Variants in GRINA observed in about 807,000 individuals in gnomAD.
The protein encoded by GRINA is glutamate ionotropic receptor NMDA type subunit associated protein 1.
In GRINA, 26 loss-of-function variants were observed where a neutral mutation model predicts 42.5. The ratio of observed to expected loss-of-function variants is 0.61; its 90% CI spans 0.45 to 0.85. The LOEUF (loss-of-function observed/expected upper bound fraction) is 0.85, where lower values mean the gene tolerates loss of function less well. Among genes scored for constraint, GRINA ranks in the 40% least tolerant of loss-of-function variants. The pLI is 0.00. For synonymous variants in GRINA, 256 were observed against 204.2 expected (o/e 1.25, Z -2.17); for missense variants, 475 against 481.5 (o/e 0.99, Z 0.13).
At position 143,992,618 on chromosome 8, in the gene GRINA, G is replaced by A; in HGVS notation, c.966+10G>A. ...TCTGCTCTTCACCTGCGTGAGTGAG[G>A]GGTGACCTTGGCCGGGGGCGGGATG... On this transcript the variant is annotated intron_variant, in intron 6 of 6. Coordinates refer to ENST00000395068, the MANE Select transcript of GRINA (RefSeq NM_001009184.2). The A allele has an allele frequency of 6.2e-7, 1 of 1,614,108 alleles. No homozygotes were observed. Among genetic ancestry groups the A allele is most frequent in the African/African-American group, 1.3e-5 (1 of 75,064 alleles).
rs782553092 is a variant in GRINA at position 143,992,066 on chromosome 8, C to T, written c.681C>T (p.Asn227=). ...CGDFRRKHPW[N]LVALSVLTAS... is the part of the protein sequence containing the mutation. The stretch of plus-strand genomic sequence containing the variant: ...ACTTCCGGCGAAAGCACCCCTGGAA[C>T]CTTGTTGCACTGGTAACCCCCAAAC... The change falls in exon 4 of 7, where the codon AAC becomes AAT. Residue 227 remains asparagine (N), a synonymous_variant. Coordinates refer to ENST00000395068, the MANE Select transcript of GRINA (RefSeq NM_001009184.2). 2.2e-5 allele frequency: 35 copies of T among 1,613,730 alleles called. No homozygotes were observed. The highest frequency in any genetic ancestry group is 5.0e-5 in the Admixed American group (3 of 59,994).
rs373128624 is a variant in GRINA, at chr8:143,992,856, G to T, written c.*15G>T. The T allele has an allele frequency of 1.2e-6, 2 of 1,610,274 alleles. No individual in the cohort carries two copies. Among genetic ancestry groups the T allele is most frequent in the African/African-American group, 1.3e-5 (1 of 74,882 alleles). The stretch of plus-strand genomic sequence containing the variant: ...CCAAGGAGTAGCCGAGCTCCAGCTC[G>T]CTGTGCCCGCTCAGGTGGCACGGCT... On this transcript the variant is annotated 3_prime_UTR_variant, in exon 7 of 7. Coordinates refer to ENST00000395068, the MANE Select transcript of GRINA (RefSeq NM_001009184.2).
chr8:143,991,666 G>C, intron 2 of GRINA, 26 bp from the exon 3 acceptor site: 1 of 1,595,726 alleles, frequency 6.3e-7, no homozygotes, highest in Non-Finnish European at 8.6e-7. Flanking sequence ...TGTGAGTGGC[G>C]CTGACCCAGC....
rs782281395 is a variant in GRINA at position 143,991,559 on chromosome 8, C to T, written c.336C>T (p.Asn112=). ...ATCCCCAGAGCCCCTTCCCCCCCAA[C>T]CCCTATGGACAGCCACAGGTCTTCC... The part of the protein sequence containing the change: ...GPYPQSPFPP[N]PYGQPQVFPG... Residue 112 remains asparagine (N), a synonymous_variant, in exon 2 of 7, where the codon AAC becomes AAT. Transcript: ENST00000395068. The T allele has an allele frequency of 3.2e-6, 5 of 1,560,502 alleles. No individual in the cohort carries two copies. Among genetic ancestry groups the T allele is most frequent in the Non-Finnish European group, 4.4e-6 (5 of 1,136,912 alleles).
Position 143,990,628 on chromosome 8 carries a change from C to G in GRINA, c.-25+429C>G, listed in dbSNP as rs1554750294. 1 of 152,254 alleles carries G rather than the reference C, an allele frequency of 6.6e-6. No homozygotes were observed. Among genetic ancestry groups the G allele is most frequent in the Non-Finnish European group, 1.5e-5 (1 of 68,104 alleles). 9.4% of individuals were successfully genotyped at this position (152,254 alleles called of 1,614,324 possible). A position where few individuals can be genotyped will look rare whatever the true frequency, so the allele number is the denominator to read the frequency against. On this transcript the variant is annotated intron_variant, in intron 1 of 6. Coordinates refer to ENST00000395068, the MANE Select transcript of GRINA (RefSeq NM_001009184.2). This position sits in a 1 kb window ranked among gnomAD's most constrained non-coding sequence, Gnocchi z 5.6. Reference sequence around the variant, plus strand: ...TACCCCACTGGCAGGCACCGGCAGCCGATCCAGGCCCGATCCCCCCACCCC... The same window carrying G: ...TACCCCACTGGCAGGCACCGGCAGCGGATCCAGGCCCGATCCCCCCACCCC...
At position 143,992,724 on chromosome 8, in the gene GRINA, G is replaced by A; in HGVS notation, c.999G>A (p.Gly333=). Reference sequence around the variant, plus strand: ...CAGTGGACACCCAGCTGCTACTGGGGAACAAGCAGCTGTCCCTGAGCCCAG... The same window carrying A: ...CAGTGGACACCCAGCTGCTACTGGGAAACAAGCAGCTGTCCCTGAGCCCAG... ...FLAVDTQLLL[G]NKQLSLSPEE... The change falls in exon 7 of 7, where the codon GGG becomes GGA. Residue 333 remains glycine (G), a synonymous_variant. Transcript: ENST00000395068. 6.2e-7 allele frequency: 1 copy of A among 1,613,778 alleles called. No individual in the cohort carries two copies. The highest frequency in any genetic ancestry group is 8.5e-7 in the Non-Finnish European group (1 of 1,179,752).
chr8:143,991,151 C>G (rs1288756142), intron 1 of GRINA, 49 bp from the exon 2 acceptor site: 4 of 1,049,424 alleles, frequency 3.8e-6, no homozygotes, highest in Non-Finnish European at 5.5e-6. Context: ...TGGGTCCCGA[C>G]GCTGTCGTCA....
rs1427243071 is a variant in GRINA, at chr8:143,991,444, A to G, written c.221A>G (p.Tyr74Cys). The change falls in exon 2 of 7, where the codon TAC becomes TGC. Residue 74 changes from tyrosine to cysteine, a missense_variant. Transcript: ENST00000395068. ...YPQGGYPQGP[Y>C]PQGGYPQGPY... ...CAAGGGGGCTACCCACAGGGTCCCT[A>G]CCCCCAAGGGGGCTACCCACAGGGC... The G allele has an allele frequency of 6.8e-7, 1 of 1,461,968 alleles. No homozygotes were observed. The highest frequency in any genetic ancestry group is 1.4e-5 in the South Asian group (1 of 71,174). The allele number at this position is 1,461,968 out of a possible 1,614,324, so 90.6% of individuals were successfully genotyped here.
chr8:143,991,397 C>G lies in GRINA; in HGVS notation c.174C>G (p.Pro58=). ...CCCCCTACGGTCAGCCAGGGTACCC[C>G]CATGGCCCCAGCCCCTACCCCCAAG... is the stretch of plus-strand genomic sequence containing the variant. The part of the protein sequence containing the change: ...QPSPYGQPGY[P]HGPSPYPQGG... The change falls in exon 2 of 7, where the codon CCC becomes CCG. Residue 58 remains proline, a synonymous_variant. Coordinates refer to ENST00000395068, the MANE Select transcript of GRINA (RefSeq NM_001009184.2). The G allele has an allele frequency of 8.4e-7, 1 of 1,191,692 alleles. No individual in the cohort carries two copies. The highest frequency in any genetic ancestry group is 1.2e-6 in the Non-Finnish European group (1 of 859,140). The allele number at this position is 1,191,692 out of a possible 1,614,324, so 73.8% of individuals were successfully genotyped here.
Position 143,991,000 on chromosome 8 carries a change from A to C in GRINA, c.-24-200A>C. The C allele has an allele frequency of 8.6e-5, 31 of 359,410 alleles. No homozygotes were observed. The highest frequency in any genetic ancestry group is 1.4e-4 in the East Asian group (3 of 20,690). The allele number at this position is 359,410 out of a possible 1,614,324, so 22.3% of individuals were successfully genotyped here. On this transcript the variant is annotated intron_variant, in intron 1 of 6. Transcript: ENST00000395068. This position sits in a 1 kb window ranked among gnomAD's most constrained non-coding sequence, Gnocchi z 5.6. ...CCTAAAGGCGGCCTAGAGCCCTGGG[A>C]AGGCCCCACGGCGCCGCCCGTCCGG...
rs369678810 is a variant in GRINA, at chr8:143,992,795, A to G, written c.1070A>G (p.Asn357Ser). 2.0e-5 allele frequency: 33 copies of G among 1,613,684 alleles called. No homozygotes were observed. Among genetic ancestry groups the G allele is most frequent in the Non-Finnish European group, 2.8e-5 (33 of 1,179,878 alleles). Residue 357 changes from asparagine to serine, a missense_variant, in exon 7 of 7, where the codon AAC (asparagine) becomes AGC (serine). Transcript: ENST00000395068. ...CTGAACCTGTACACAGACATCATCAACATCTTCCTGTACATCCTCACCATC... is the reference window on the plus strand; with the variant it reads ...CTGAACCTGTACACAGACATCATCAGCATCTTCCTGTACATCCTCACCATC... ...AALNLYTDII[N>S]IFLYILTIIG...
chr8:143,991,001 A>G, intron 1 of GRINA, 199 bp from the exon 2 acceptor site: 1 of 376,002 alleles, frequency 2.7e-6, no homozygotes, highest in Non-Finnish European at 4.8e-6. Context: ...AGCCCTGGGA[A>G]GGCCCCACGG....
chr8:143,992,929 C>T lies in GRINA; in HGVS notation c.*88C>T. On this transcript the variant is annotated 3_prime_UTR_variant, in exon 7 of 7. Coordinates refer to ENST00000395068, the MANE Select transcript of GRINA (RefSeq NM_001009184.2). ...CGGCAGTGCCAGCTGTACTTCCCCT[C>T]TCTCTTGTCCCCAGGCACAGCCTAG... 8.9e-7 allele frequency: 1 copy of T among 1,124,276 alleles called. No individual in the cohort carries two copies. The highest frequency in any genetic ancestry group is 1.3e-6 in the Non-Finnish European group (1 of 777,926). The allele number at this position is 1,124,276 out of a possible 1,614,324, so 69.6% of individuals were successfully genotyped here. A position where few individuals can be genotyped will look rare whatever the true frequency, so the allele number is the denominator to read the frequency against.
chr8:143,991,594 A>C lies in GRINA; in HGVS notation c.371A>C (p.Asp124Ala). 1 of 1,595,120 alleles carries C rather than the reference A, an allele frequency of 6.3e-7. No individual in the cohort carries two copies. Among genetic ancestry groups the C allele is most frequent in the Non-Finnish European group, 8.6e-7 (1 of 1,164,978 alleles). Reference sequence around the variant, plus strand: ...CAGCCACAGGTCTTCCCAGGACAAGACCCTGACTGTGAGTCTCAGGAAGGG... The same window carrying C: ...CAGCCACAGGTCTTCCCAGGACAAGCCCCTGACTGTGAGTCTCAGGAAGGG... Reference protein sequence around the residue: ...YGQPQVFPGQDPDSPQHGNYQ... With the variant: ...YGQPQVFPGQAPDSPQHGNYQ... Residue 124 changes from aspartate (D) to alanine (A), a missense_variant, in exon 2 of 7, where the codon GAC becomes GCC. Asp to Ala is a moderately radical substitution (Grantham distance 126). This residue lies in a region of GRINA where 321 missense variants were observed against 267.2 expected (regional missense o/e 1.20). Coordinates refer to ENST00000395068, the MANE Select transcript of GRINA (RefSeq NM_001009184.2).
intron 2 of GRINA, 28 bp downstream of exon 2, chr8:143,991,630 TG>T (rs1299803864): frequency 2.0e-6 from 3 of 1,535,680 alleles, no homozygotes; most frequent in Admixed American, 1.7e-5. Flanking sequence ...AGGGGTGGGG[TG>T]GCCGGGAGGG....
chr8:143,991,274 C>T lies in GRINA; in HGVS notation c.51C>T (p.Pro17=). 1 of 1,541,708 alleles carries T rather than the reference C, an allele frequency of 6.5e-7. No homozygotes were observed. Among genetic ancestry groups the T allele is most frequent in the Non-Finnish European group, 8.8e-7 (1 of 1,133,016 alleles). The change falls in exon 2 of 7, where the codon CCC becomes CCT. Residue 17 remains proline, a synonymous_variant. Transcript: ENST00000395068. The part of the protein sequence containing the change: ...FLVSGDNYPP[P]NPGYPGGPQP... ...TGTCTGGGGACAACTATCCTCCCCCCAACCCTGGATATCCGGGGGGGCCCC... is the reference window on the plus strand; with the variant it reads ...TGTCTGGGGACAACTATCCTCCCCCTAACCCTGGATATCCGGGGGGGCCCC...
intron 4 of GRINA, 47 bp from the exon 5 acceptor site, chr8:143,992,198 G>A (rs782198762): frequency 8.7e-6 from 14 of 1,600,608 alleles, no homozygotes; most frequent in Admixed American, 1.7e-5. Flanking sequence ...CGGCAGGGGT[G>A]GCATGGGGGC....
At position 143,991,324 on chromosome 8, in the gene GRINA, A is replaced by G; in HGVS notation, c.101A>G (p.Gln34Arg). ...CAGCCACCCATGCCCCCCTATGCTC[A>G]GCCTCCCTACCCTGGGGCCCCTTAC... ...GPQPPMPPYA[Q>R]PPYPGAPYPQ... The change falls in exon 2 of 7, where the codon CAG becomes CGG. Residue 34 changes from glutamine to arginine, a missense_variant. This residue lies in a region of GRINA where 321 missense variants were observed against 267.2 expected (regional missense o/e 1.20). Coordinates refer to ENST00000395068, the MANE Select transcript of GRINA (RefSeq NM_001009184.2). 7.2e-7 allele frequency: 1 copy of G among 1,383,546 alleles called. No homozygotes were observed. Among genetic ancestry groups the G allele is most frequent in the Non-Finnish European group, 9.8e-7 (1 of 1,018,750 alleles). 85.7% of individuals were successfully genotyped at this position (1,383,546 alleles called of 1,614,324 possible).
chr8:143,992,409 G>A lies in GRINA; in HGVS notation c.822+36G>A, dbSNP rs369235892. 73 of 1,612,252 alleles carry A rather than the reference G, an allele frequency of 4.5e-5. No homozygotes were observed. The African/African-American group carries it at 8.7e-4, about 19-fold the overall frequency. ...TCCCGTGGCTGGGCTGTGGCCGCAG[G>A]GGCTGAGCAGCTTTCCCAGGCCCAG... On this transcript the variant is annotated intron_variant, in intron 5 of 6. Coordinates refer to ENST00000395068, the MANE Select transcript of GRINA (RefSeq NM_001009184.2).
Sources: gnomAD v4.1 joint callset for allele counts on GRCh38, gnomAD v4.1.1 for gene constraint, gnomAD v4.1.1 regional missense constraint, Gnocchi (gnomAD v3.1) non-coding constraint, MANE v1.5 for transcripts, NCBI Gene and HGNC (gene_info 2026-07-23, HGNC 2026-07-21) for gene names.